SEMA6D: variants seen among roughly 807,000 people sequenced by gnomAD.
SEMA6D encodes semaphorin 6D, also known as semaphorin-6D.
Under a neutral mutation model 106.6 loss-of-function variants are expected in SEMA6D, and 35 were observed. That is an observed-to-expected ratio of 0.33 (90% CI 0.25 to 0.44). The LOEUF is 0.44. Ranked by LOEUF, SEMA6D falls within the 20% of genes least tolerant of loss-of-function variation. The probability of loss-of-function intolerance (pLI) is 1.00; values close to 1 mark genes in which losing one functional copy is unlikely to be tolerated. For missense variants in SEMA6D, 1,185 were observed against 1,345.9 expected (o/e 0.88, Z 1.87); for synonymous variants, 499 against 487.7 (o/e 1.02, Z -0.31).
intron 1 of SEMA6D, among the ~76,000 whole-genome samples, chr15:47,373,377 A>G (rs984129839): frequency 2.0e-5 from 3 of 152,218 alleles, no homozygotes; most frequent in African/African-American, 7.2e-5. Flanking sequence ...TAAAAATGCA[A>G]TATACCCCAT....
intron 1 of SEMA6D, among the ~76,000 whole-genome samples, chr15:47,222,840 A>G (rs1037211807): frequency 6.6e-6 from 1 of 152,130 alleles, no homozygotes; most frequent in Non-Finnish European, 1.5e-5. Context: ...TTATTTTAGT[A>G]TTCTCAGGTC....
At chr15:47,504,581 C>A (rs1191701354) in intron 3 of SEMA6D, among the ~76,000 whole-genome samples, 2 of 152,166 alleles carry the variant, frequency 1.3e-5, no homozygotes, top group Non-Finnish European at 1.5e-5. Context: ...AGTCGTCAGA[C>A]AGATAAACAT....
intron 3 of SEMA6D, among the ~76,000 whole-genome samples, chr15:47,522,145 G>A (rs1334627357): frequency 6.6e-6 from 1 of 152,206 alleles, no homozygotes; most frequent in Non-Finnish European, 1.5e-5. Flanking sequence ...CACATGTCCT[G>A]CGGAGCTGAC....
chr15:47,228,058 T>G (rs138781925), intron 1 of SEMA6D, among the ~76,000 whole-genome samples: 4,407 of 143,688 alleles, frequency 0.031, 233 homozygotes, highest in African/African-American at 0.11. Context: ...ATATATATTT[T>G]TATATATAAG....
chr15:47,609,124 A>C (rs2076840244), intron 4 of SEMA6D, among the ~76,000 whole-genome samples: 1 of 152,218 alleles, frequency 6.6e-6, no homozygotes, highest in African/African-American at 2.4e-5. Flanking sequence ...CATTTAAGTG[A>C]CCATATTAGT....
intron 1 of SEMA6D, among the ~76,000 whole-genome samples, chr15:47,259,647 T>G (rs2033974796): frequency 1.3e-5 from 2 of 152,178 alleles, no homozygotes; most frequent in African/African-American, 4.8e-5. Context: ...ATGATGATAT[T>G]TCTTGGTATG....
chr15:47,237,820 C>T (rs1298264020), intron 1 of SEMA6D, among the ~76,000 whole-genome samples: 1 of 152,094 alleles, frequency 6.6e-6, no homozygotes. Flanking sequence ...AGGTCTGTTT[C>T]TGGAAGACTG....
In SEMA6D at chr15:47,232,526, GGTGTGT is replaced by G. The variant is rs60261871; in HGVS notation, c.-239+48133_-239+48138del. ...AGCTCTTGTTATTCTATGGGGGGAG[GGTGTGT>G]GTGTGTGTGTGTGTGTGTGTGTGTA... On this transcript the variant is annotated intron_variant, in intron 1 of 19. Transcript: ENST00000558014. Among the ~76,000 whole-genome samples, 381 of 147,962 alleles carry G rather than the reference GGTGTGT, an allele frequency of 2.6e-3. 2 individuals are homozygous for G. The highest frequency in any genetic ancestry group is 7.7e-3 in the African/African-American group (310 of 40,420).
At chr15:47,487,002 G>A (rs1342942606) in intron 3 of SEMA6D, among the ~76,000 whole-genome samples, 6 of 152,116 alleles carry the variant, frequency 3.9e-5, no homozygotes. Context: ...TGTTTATACT[G>A]TCGTCTTTGC....
At chr15:47,457,884 AC>A (rs2042391506) in intron 2 of SEMA6D, among the ~76,000 whole-genome samples, 1 of 151,900 alleles carries the variant, frequency 6.6e-6, no homozygotes, top group Non-Finnish European at 1.5e-5. Context: ...TAAACAGAAA[AC>A]CTTAAAAGTA....
intron 4 of SEMA6D, among the ~76,000 whole-genome samples, chr15:47,684,839 C>T (rs1047542363): frequency 1.3e-5 from 2 of 152,082 alleles, no homozygotes; most frequent in African/African-American, 4.8e-5. Context: ...ATGAAAGGTA[C>T]TCCATTCATT....
chr15:47,235,097 A>G (rs977624528), intron 1 of SEMA6D, among the ~76,000 whole-genome samples: 3 of 151,894 alleles, frequency 2.0e-5, no homozygotes, highest in African/African-American at 4.8e-5. Context: ...CTGATTAGTG[A>G]TGTTATACAT....
At chr15:47,256,355 T>G (rs1164092388) in intron 1 of SEMA6D, among the ~76,000 whole-genome samples, 1 of 152,178 alleles carries the variant, frequency 6.6e-6, no homozygotes, top group Non-Finnish European at 1.5e-5. Flanking sequence ...TGCCTTTCAG[T>G]TTATTCATGT....
chr15:47,521,984 CAAAA>C (rs61136000), intron 3 of SEMA6D, among the ~76,000 whole-genome samples: 4 of 82,008 alleles, frequency 4.9e-5, no homozygotes, highest in Admixed American at 1.4e-4. Context: ...GACTCCGTCT[CAAAA>C]AAAAAAAAAA....
At chr15:47,393,396 G>A (rs2040106498) in intron 1 of SEMA6D, 1 of 152,268 alleles carries the variant, frequency 6.6e-6, no homozygotes, top group Non-Finnish European at 1.5e-5. Context: ...AAGTCTTTGT[G>A]GGAATTCTGT....
At chr15:47,720,408 CT>C (rs2079358310) in intron 1 of SEMA6D, among the ~76,000 whole-genome samples, 1 of 151,796 alleles carries the variant, frequency 6.6e-6, no homozygotes, top group Non-Finnish European at 1.5e-5. Context: ...TTCTTTCTCT[CT>C]TTTTTTCTTT....
chr15:47,473,218 A>G (rs2042905309), intron 3 of SEMA6D, among the ~76,000 whole-genome samples: 1 of 152,174 alleles, frequency 6.6e-6, no homozygotes, highest in African/African-American at 2.4e-5. Context: ...AGCTGGCAGT[A>G]CCCACTGCAC....
intron 1 of SEMA6D, among the ~76,000 whole-genome samples, chr15:47,727,442 G>A (rs932959971): frequency 2.0e-5 from 3 of 152,154 alleles, no homozygotes; most frequent in African/African-American, 4.8e-5. Flanking sequence ...TCAAACATCA[G>A]TGTGCCTACA....
intron 2 of SEMA6D, among the ~76,000 whole-genome samples, chr15:47,440,530 A>G (rs2041850395): frequency 6.6e-6 from 1 of 152,062 alleles, no homozygotes; most frequent in African/African-American, 2.4e-5. Flanking sequence ...GGGAAAGAAC[A>G]CAAGACCCCC....
Sources: gnomAD v4.1 joint callset for allele counts (sites outside exome capture counted in the v4.1 genomes callset) on GRCh38, gnomAD v4.1.1 for gene constraint, MANE v1.5 for transcripts, NCBI Gene and HGNC (gene_info 2026-07-23, HGNC 2026-07-21) for gene names.